NAALADL2: variants seen among roughly 807,000 people sequenced by gnomAD.
The protein encoded by NAALADL2 is N-acetylated alpha-linked acidic dipeptidase like 2.
Under a neutral mutation model 87.2 loss-of-function variants are expected in NAALADL2, and 76 were observed. The observed-to-expected ratio is 0.87, with a 90% CI of 0.72 to 1.05. NAALADL2 has a LOEUF of 1.05. NAALADL2 is among the 50% of genes least tolerant of loss of function. The pLI is 0.00. For missense variants in NAALADL2, 1,089 were observed against 945.8 expected (o/e 1.15, Z -1.99); for synonymous variants, 354 against 331.0 (o/e 1.07, Z -0.75).
intron 2 of NAALADL2, among the ~76,000 whole-genome samples, chr3:174,608,278 C>A (rs2108630886): frequency 6.6e-6 from 1 of 152,198 alleles, no homozygotes; most frequent in Admixed American, 6.5e-5. Flanking sequence ...AGAGCAAAAG[C>A]ATTCAGAAGC....
At chr3:174,465,130 A>G (rs1716457005) in intron 1 of NAALADL2, among the ~76,000 whole-genome samples, 1 of 152,092 alleles carries the variant, frequency 6.6e-6, no homozygotes, top group South Asian at 2.1e-4. Context: ...TGCACAATGA[A>G]AACTTTTTTT....
intron 10 of NAALADL2, chr3:175,581,201 T>A: frequency 2.9e-6 from 1 of 344,952 alleles, no homozygotes; most frequent in Non-Finnish European, 6.0e-6. Flanking sequence ...CTGCCCTTTG[T>A]GAGGCTGAGG....
chr3:174,987,772 A>T (rs1746136456), intron 1 of NAALADL2, among the ~76,000 whole-genome samples: 1 of 143,806 alleles, frequency 7.0e-6, no homozygotes, highest in Non-Finnish European at 1.5e-5. Context: ...GACCCCAGGC[A>T]TGCACTACCA....
At chr3:175,727,095 T>G (rs530354287) in intron 11 of NAALADL2, among the ~76,000 whole-genome samples, 7 of 152,140 alleles carry the variant, frequency 4.6e-5, no homozygotes, top group Non-Finnish European at 1.5e-5. Flanking sequence ...ATCCCATCGA[T>G]TTTTCATCAT....
chr3:175,400,070 A>G (rs1466030088), intron 5 of NAALADL2, among the ~76,000 whole-genome samples: 7 of 152,162 alleles, frequency 4.6e-5, no homozygotes, highest in Non-Finnish European at 8.8e-5. Context: ...TTTTGAACAA[A>G]TGAAATATAC....
intron 3 of NAALADL2, among the ~76,000 whole-genome samples, chr3:174,784,157 G>T (rs1246384240): frequency 6.6e-6 from 1 of 151,994 alleles, no homozygotes; most frequent in Non-Finnish European, 1.5e-5. Flanking sequence ...TTTTTACTTA[G>T]CTAGTTTGTT....
chr3:174,972,487 C>T (rs1235800277), intron 1 of NAALADL2, among the ~76,000 whole-genome samples: 8 of 152,186 alleles, frequency 5.3e-5, no homozygotes, highest in Non-Finnish European at 5.9e-5. Flanking sequence ...CTTTTCTCTA[C>T]ACCTGCATCC....
intron 1 of NAALADL2, among the ~76,000 whole-genome samples, chr3:175,027,678 T>G (rs1752374814): frequency 6.6e-6 from 1 of 152,058 alleles, no homozygotes; most frequent in African/African-American, 2.4e-5. Context: ...TATCATAGCC[T>G]TAATGTGGTA....
At chr3:174,987,827 T>TAAATATATATATATATATATATATAA (rs1553911311) in intron 1 of NAALADL2, among the ~76,000 whole-genome samples, 1 of 130,578 alleles carries the variant, frequency 7.7e-6, no homozygotes, top group African/African-American at 3.7e-5. Flanking sequence ...TATATATATA[T>TAAATATATATATATATATATATATAA]AATGAGACCT....
intron 9 of NAALADL2, among the ~76,000 whole-genome samples, chr3:175,494,394 A>C (rs1360074419): frequency 6.6e-6 from 1 of 152,128 alleles, no homozygotes; most frequent in African/African-American, 2.4e-5. Flanking sequence ...GGAATTTAAC[A>C]CTATGGGAAT....
At chr3:174,837,245 GCAAGATTAAC>G (rs2109401445) in intron 3 of NAALADL2, among the ~76,000 whole-genome samples, 2 of 152,266 alleles carry the variant, frequency 1.3e-5, no homozygotes, top group Non-Finnish European at 2.9e-5. Flanking sequence ...ATAGACATTA[GCAAGATTAAC>G]CAAGAAAAGA....
At chr3:175,070,770 TTAAAG>T (rs1250424016) in intron 1 of NAALADL2, among the ~76,000 whole-genome samples, 2 of 152,080 alleles carry the variant, frequency 1.3e-5, no homozygotes, top group Non-Finnish European at 2.9e-5. Flanking sequence ...TAGTACCATA[TTAAAG>T]TAAATACATA....
At chr3:175,709,661 A>G (rs908378361) in intron 11 of NAALADL2, among the ~76,000 whole-genome samples, 8 of 152,090 alleles carry the variant, frequency 5.3e-5, no homozygotes, top group Admixed American at 3.3e-4. Flanking sequence ...ATGGCAGTTG[A>G]TGGAAGTACC....
intron 11 of NAALADL2, among the ~76,000 whole-genome samples, chr3:175,671,115 C>T (rs533807257): frequency 7.9e-4 from 120 of 151,692 alleles, no homozygotes; most frequent in African/African-American, 2.7e-3. Context: ...TTTAAATAAA[C>T]AAATCATGAC....
At chr3:174,664,602 A>C (rs1725798198) in intron 2 of NAALADL2, among the ~76,000 whole-genome samples, 1 of 152,214 alleles carries the variant, frequency 6.6e-6, no homozygotes, top group African/African-American at 2.4e-5. Flanking sequence ...ATGTGTTTTT[A>C]AATGTATACA....
chr3:175,787,275 T>G (rs112623828), intron 13 of NAALADL2, among the ~76,000 whole-genome samples: 4,147 of 150,394 alleles, frequency 0.028, 65 homozygotes, highest in South Asian at 0.051. Flanking sequence ...GTTTACCTAA[T>G]CAAGCCTGGG....
At chr3:174,459,207 TTTTG>T (rs1559996796) in intron 1 of NAALADL2, 1 of 152,248 alleles carries the variant, frequency 6.6e-6, no homozygotes, top group Non-Finnish European at 1.5e-5. Flanking sequence ...TTTTCATTTT[TTTTG>T]TTTGTTTTGC....
At chr3:175,354,034 C>T (rs1169844628) in intron 5 of NAALADL2, among the ~76,000 whole-genome samples, 1 of 152,094 alleles carries the variant, frequency 6.6e-6, no homozygotes, top group Non-Finnish European at 1.5e-5. Flanking sequence ...ACTTGTGTAC[C>T]ACTGCAGCTT....
In NAALADL2 at chr3:174,973,951, A is replaced by T. The variant is rs544986421; in HGVS notation, c.43+114501A>T. Among the ~76,000 whole-genome samples, 6 of 152,332 alleles carry T rather than the reference A, an allele frequency of 3.9e-5. No individual in the cohort carries two copies. The South Asian group carries it at 1.2e-3, about 32-fold the overall frequency. ...TGTTTCAGGTTTAATTTTGCACTGC[A>T]CAAACCAAAATAGAAATGATATAAC... On this transcript the variant is annotated intron_variant, in intron 1 of 13. Coordinates refer to ENST00000454872, the MANE Select transcript of NAALADL2 (RefSeq NM_207015.3).
Sources: allele counts gnomAD v4.1 joint callset (sites outside exome capture counted in the v4.1 genomes callset), GRCh38; gene constraint gnomAD v4.1.1; transcripts MANE v1.5; gene names NCBI Gene and HGNC (gene_info 2026-07-23, HGNC 2026-07-21).